The following ZNF184 variants were observed in gnomAD, a reference collection of about 807,000 sequenced individuals.
ZNF184 encodes the protein zinc finger protein 184 (Kruppel-like).
In ZNF184, 16 loss-of-function variants were observed where a neutral mutation model predicts 54.4. The ratio of observed to expected loss-of-function variants is 0.29; its 90% CI spans 0.20 to 0.45. ZNF184 has a LOEUF of 0.45. ZNF184 is among the 20% of genes least tolerant of loss of function. The probability of loss-of-function intolerance (pLI) is 1.00; values close to 1 mark genes in which losing one functional copy is unlikely to be tolerated. For synonymous variants in ZNF184, 254 were observed against 295.3 expected (o/e 0.86, Z 1.43); for missense variants, 681 against 888.2 (o/e 0.77, Z 2.97).
At position 27,453,287 on chromosome 6, in the gene ZNF184, T is replaced by A. The variant is rs755982517; in HGVS notation, c.299-27A>T. The stretch of plus-strand genomic sequence containing the variant: ...TAAAAGAAAAAGAAAATTCCAGTGT[T>A]CTCTGAATAGAGAAAAAATAAACTG... On this transcript the variant is annotated intron_variant, in intron 5 of 5. Coordinates refer to ENST00000683788, the MANE Select transcript of ZNF184 (RefSeq NM_001318891.2). The surrounding 1 kb of genome is among the most constrained non-coding windows in gnomAD (Gnocchi z 4.7). 3.3e-6 allele frequency: 5 copies of A among 1,537,826 alleles called. No individual in the cohort carries two copies. The African/African-American group carries it at 7.0e-5, about 21-fold the overall frequency.
Position 27,451,948 on chromosome 6 carries a change from T to C in ZNF184, c.1611A>G (p.Lys537=), listed in dbSNP as rs1331858619. 6.2e-7 allele frequency: 1 copy of C among 1,613,274 alleles called. No individual in the cohort carries two copies. Among genetic ancestry groups the C allele is most frequent in the Non-Finnish European group, 8.5e-7 (1 of 1,179,998 alleles). The change falls in exon 6 of 6, where the codon AAA becomes AAG. Residue 537 remains lysine, a synonymous_variant. Coordinates refer to ENST00000683788, the MANE Select transcript of ZNF184 (RefSeq NM_001318891.2). ...CAAGAGATGAACTCCGAATAAAAGC[T>C]TTCCCACATTCTTTACATTCATAAG... ...EKAYECKECG[K]AFIRSSSLAK... is the part of the protein sequence containing the mutation.
Position 27,452,612 on chromosome 6 carries a change from C to G in ZNF184, c.947G>C (p.Ser316Thr). Residue 316 changes from serine to threonine, a missense_variant, in exon 6 of 6, where the codon AGT becomes ACT. Coordinates refer to ENST00000683788, the MANE Select transcript of ZNF184 (RefSeq NM_001318891.2). This position sits in a 1 kb window ranked among gnomAD's most constrained non-coding sequence, Gnocchi z 5.5. ...ATGCTGAACAAGATGGGTCCTCTGA[C>G]TAAAGGCTTTCCCACATTCATCACA... ...YKCDECGKAFSQRTHLVQHQR... is the reference protein window; with the variant it reads ...YKCDECGKAFTQRTHLVQHQR... 4 of 1,613,964 alleles carry G rather than the reference C, an allele frequency of 2.5e-6. No individual in the cohort carries two copies. The highest frequency in any genetic ancestry group is 3.4e-6 in the Non-Finnish European group (4 of 1,179,986).
the ZNF184 span, among the ~76,000 whole-genome samples, chr6:27,408,746 T>C: frequency 6.6e-6 from 1 of 152,256 alleles, no homozygotes; most frequent in East Asian, 1.9e-4. Flanking sequence ...TTTAAATGTT[T>C]TCTAATCAAT....
the ZNF184 span, among the ~76,000 whole-genome samples, chr6:27,436,087 G>A: frequency 6.6e-6 from 1 of 152,132 alleles, no homozygotes; most frequent in Non-Finnish European, 1.5e-5. Flanking sequence ...TGAGTATGAC[G>A]TTAGCTGTGT....
chr6:27,442,826 G>GAA, the ZNF184 span, among the ~76,000 whole-genome samples: 37,390 of 69,036 alleles, frequency 0.54, 10,123 homozygotes, highest in South Asian at 0.65. Context: ...AAGAAAGAAA[G>GAA]AAAGAAAGAA....
the ZNF184 span, among the ~76,000 whole-genome samples, chr6:27,431,911 TAAG>T: frequency 6.6e-6 from 1 of 151,646 alleles, no homozygotes; most frequent in South Asian, 2.1e-4. Context: ...ACTAAAGGAG[TAAG>T]AAGGTTTATT....
rs1561835620 is a variant in ZNF184, at chr6:27,452,494, A to G, written c.1065T>C (p.Ile355=). 1.9e-6 allele frequency: 3 copies of G among 1,614,108 alleles called. No homozygotes were observed. The highest frequency in any genetic ancestry group is 8.5e-7 in the Non-Finnish European group (1 of 1,180,034). The change falls in exon 6 of 6, where the codon ATT becomes ATC. Residue 355 remains isoleucine (I), a synonymous_variant. Coordinates refer to ENST00000683788, the MANE Select transcript of ZNF184 (RefSeq NM_001318891.2). The surrounding 1 kb of genome is among the most constrained non-coding windows in gnomAD (Gnocchi z 5.5). ...ATTTAAAAGGTTTTTCTCCCGTATG[A>G]ATTTTCTGATGTTCCATAAAGTGGC... is the stretch of plus-strand genomic sequence containing the variant. ...QRGHFMEHQK[I]HTGEKPFKCD... is the part of the protein sequence containing the mutation.
the ZNF184 span, chr6:27,407,857 A>G: frequency 2.5e-6 from 2 of 791,086 alleles, no homozygotes; most frequent in Non-Finnish European, 2.3e-6. Flanking sequence ...ACTCATATCT[A>G]TAAGGAGAAA....
Position 27,465,016 on chromosome 6 carries a change from C to CAAAAAAAAAAAAAAAAAAAAAAAAAAAA in ZNF184, c.75+2836_75+2837insTTTTTTTTTTTTTTTTTTTTTTTTTTTT, listed in dbSNP as rs61602778. On this transcript the variant is annotated intron_variant, in intron 3 of 5. Transcript: ENST00000683788. ...TGGGCGACAGAGCAAGACTCTGTCT[C>CAAAAAAAAAAAAAAAAAAAAAAAAAAAA]AAAAAAAAAAAAAAAAAAAAATAGA... 1.0e-4 allele frequency among the ~76,000 whole-genome samples: 5 copies of CAAAAAAAAAAAAAAAAAAAAAAAAAAAA among 48,918 alleles called. 1 individual carries two copies. The highest frequency in any genetic ancestry group is 2.3e-4 in the African/African-American group (2 of 8,698). The allele number at this position is 48,918 out of a possible 152,430, so 32.1% of individuals were successfully genotyped here. A position where few individuals can be genotyped will look rare whatever the true frequency, so the allele number is the denominator to read the frequency against.
At chr6:27,442,827 A>AAAAAG in the ZNF184 span, among the ~76,000 whole-genome samples, 2 of 23,956 alleles carry the variant, frequency 8.3e-5, no homozygotes, top group South Asian at 1.5e-3. Flanking sequence ...AGAAAGAAAG[A>AAAAAG]AAGAAAGAAA....
intron 3 of ZNF184, among the ~76,000 whole-genome samples, chr6:27,466,208 A>G (rs1039124870): frequency 1.3e-5 from 2 of 152,164 alleles, no homozygotes; most frequent in African/African-American, 4.8e-5. Context: ...CTTTGAAGAT[A>G]GAATAAGTAG....
chr6:27,455,514 C>A lies in ZNF184; in HGVS notation c.298+1312G>T, dbSNP rs193240907. 4.5e-3 allele frequency among the ~76,000 whole-genome samples: 687 copies of A among 152,082 alleles called. 3 individuals carry two copies. Among genetic ancestry groups the A allele is most frequent in the African/African-American group, 0.016 (660 of 41,480 alleles). Reference sequence around the variant, plus strand: ...CTTGCTTTTTCCAAAAGTTAACTAACCATAAGCCCCAGTTATTAAAGTTCT... The same window carrying A: ...CTTGCTTTTTCCAAAAGTTAACTAAACATAAGCCCCAGTTATTAAAGTTCT... On this transcript the variant is annotated intron_variant, in intron 5 of 5. Transcript: ENST00000683788.
chr6:27,437,597 G>C, the ZNF184 span, among the ~76,000 whole-genome samples: 1 of 152,198 alleles, frequency 6.6e-6, no homozygotes, highest in South Asian at 2.1e-4. Flanking sequence ...CTACAGAACT[G>C]TGAACTGTAA....
the ZNF184 span, among the ~76,000 whole-genome samples, chr6:27,415,999 G>A: frequency 6.6e-6 from 1 of 152,256 alleles, no homozygotes; most frequent in Admixed American, 6.5e-5. Flanking sequence ...TTCTGGTAGT[G>A]TCAGTCATTA....
the ZNF184 span, among the ~76,000 whole-genome samples, chr6:27,441,438 C>T: frequency 6.6e-6 from 1 of 152,128 alleles, no homozygotes; most frequent in Non-Finnish European, 1.5e-5. Context: ...TGGTCTCAAA[C>T]TCCTGGGCCC....
chr6:27,423,625 G>C, the ZNF184 span, among the ~76,000 whole-genome samples: 2 of 126,426 alleles, frequency 1.6e-5, no homozygotes, highest in Non-Finnish European at 3.5e-5. Flanking sequence ...AAGCATAAAG[G>C]GATGAAAAGC....
the ZNF184 span, among the ~76,000 whole-genome samples, chr6:27,419,304 C>T: frequency 6.6e-6 from 1 of 152,052 alleles, no homozygotes; most frequent in African/African-American, 2.4e-5. The surrounding 1 kb of genome is among the most constrained non-coding windows in gnomAD (Gnocchi z 4.8). Context: ...GACAGGGTTT[C>T]GCCATATTGG....
At chr6:27,442,403 T>C in the ZNF184 span, among the ~76,000 whole-genome samples, 1 of 152,086 alleles carries the variant, frequency 6.6e-6, no homozygotes, top group Admixed American at 6.6e-5. Context: ...GAGGATTACC[T>C]GAAGCCAGGA....
Position 27,472,291 on chromosome 6 carries a change from C to G in ZNF184, c.4G>C (p.Glu2Gln). M[E>Q]DLSSPDSTLL... ...TCCCCCAAGTCGACCCCACTACCTTCCATCTCAGGAGCTCATCCCGTTCCT... is the reference window on the plus strand; with the variant it reads ...TCCCCCAAGTCGACCCCACTACCTTGCATCTCAGGAGCTCATCCCGTTCCT... Residue 2 changes from glutamate (E) to glutamine (Q), a missense_variant, in exon 2 of 6, where the codon GAA becomes CAA. Glu to Gln is a conservative substitution (Grantham distance 29, BLOSUM62 2). Transcript: ENST00000683788. The surrounding 1 kb of genome is among the most constrained non-coding windows in gnomAD (Gnocchi z 4.8). 6.2e-7 allele frequency: 1 copy of G among 1,614,132 alleles called. No individual in the cohort carries two copies. Among genetic ancestry groups the G allele is most frequent in the African/African-American group, 1.3e-5 (1 of 75,046 alleles).
Sources: allele counts gnomAD v4.1 joint callset (sites outside exome capture counted in the v4.1 genomes callset), GRCh38; gene constraint gnomAD v4.1.1; non-coding constraint Gnocchi (gnomAD v3.1); transcripts MANE v1.5; gene names NCBI Gene and HGNC (gene_info 2026-07-23, HGNC 2026-07-21).